Variants in PDIA3 observed in about 807,000 individuals in gnomAD.
PDIA3 encodes protein disulfide isomerase family A member 3.
Under a neutral mutation model 56.9 loss-of-function variants are expected in PDIA3, and 16 were observed. The observed-to-expected ratio is 0.28, with a 90% CI of 0.19 to 0.43. The LOEUF (loss-of-function observed/expected upper bound fraction) is 0.43, where lower values mean the gene tolerates loss of function less well. Among genes scored for constraint, PDIA3 ranks in the 20% least tolerant of loss-of-function variants. The pLI is 1.00. For synonymous variants in PDIA3, 192 were observed against 216.5 expected, an observed-to-expected ratio of 0.89 and a Z score of 0.99; for missense variants, 485 against 621.3, an observed-to-expected ratio of 0.78 and a Z score of 2.33.
At chr15:43,750,171 A>ATT (rs781370240) in intron 1 of PDIA3, among the ~76,000 whole-genome samples, 52 of 117,378 alleles carry the variant, frequency 4.4e-4, no homozygotes, top group East Asian at 1.4e-3. Context: ...TGTCTGGCTA[A>ATT]TTTTTTTTTT....
intron 2 of PDIA3, 80 bp from the exon 3 acceptor site, chr15:43,756,569 A>T: frequency 1.2e-6 from 1 of 831,704 alleles, no homozygotes; most frequent in Non-Finnish European, 2.1e-6. Context: ...GATTTGACCA[A>T]TCCTAGTATT....
intron 1 of PDIA3, among the ~76,000 whole-genome samples, chr15:43,749,657 G>C (rs931716265): frequency 7.9e-5 from 12 of 152,090 alleles, no homozygotes; most frequent in Admixed American, 7.9e-4. Context: ...GCTGGACGTG[G>C]TGGCGCACAT....
intron 9 of PDIA3, among the ~76,000 whole-genome samples, chr15:43,768,899 C>T (rs1237850993): frequency 6.6e-6 from 1 of 152,100 alleles, no homozygotes; most frequent in African/African-American, 2.4e-5. Context: ...TGGCGGGCGC[C>T]TGTAAGCCCA....
At chr15:43,748,401 C>G (rs2086721089) in intron 1 of PDIA3, among the ~76,000 whole-genome samples, 1 of 152,068 alleles carries the variant, frequency 6.6e-6, no homozygotes, top group Non-Finnish European at 1.5e-5. Context: ...TAGCTTGAAC[C>G]CAGGAAGCAG....
chr15:43,754,211 C>T (rs1003922433), intron 2 of PDIA3, among the ~76,000 whole-genome samples: 4 of 151,896 alleles, frequency 2.6e-5, no homozygotes, highest in Admixed American at 6.6e-5. Flanking sequence ...CTAGCCAACA[C>T]GGTGAAACCC....
Position 43,763,138 on chromosome 15 carries a change from G to C in PDIA3, c.534G>C (p.Leu178Phe), listed in dbSNP as rs368603838. 3 of 1,614,056 alleles carry C rather than the reference G, an allele frequency of 1.9e-6. No individual in the cohort carries two copies. The highest frequency in any genetic ancestry group is 2.5e-6 in the Non-Finnish European group (3 of 1,180,002). Residue 178 changes from leucine to phenylalanine, a missense_variant, in exon 5 of 13, where the codon TTG becomes TTC. Coordinates refer to ENST00000300289, the MANE Select transcript of PDIA3 (RefSeq NM_005313.5). The part of the protein sequence containing the change: ...HSEFLKAASN[L>F]RDNYRFAHTN... The stretch of plus-strand genomic sequence containing the variant: ...AGTTCCTAAAAGCAGCCAGCAACTT[G>C]AGGGATAACTACCGATTTGCACATA...
At chr15:43,755,513 C>T (rs937521661) in intron 2 of PDIA3, among the ~76,000 whole-genome samples, 1 of 151,994 alleles carries the variant, frequency 6.6e-6, no homozygotes, top group Non-Finnish European at 1.5e-5. Flanking sequence ...TGTAGTAAAC[C>T]CATAGTTGTT....
chr15:43,749,006 G>A (rs1396916529), intron 1 of PDIA3, among the ~76,000 whole-genome samples: 1 of 152,100 alleles, frequency 6.6e-6, no homozygotes, highest in African/African-American at 2.4e-5. Flanking sequence ...CCTGACTTCA[G>A]GTGATCTGCC....
chr15:43,761,034 C>G (rs949736169), intron 3 of PDIA3, among the ~76,000 whole-genome samples: 10 of 150,592 alleles, frequency 6.6e-5, no homozygotes, highest in Admixed American at 2.0e-4. Context: ...GTCAGGAGAT[C>G]GAGACCATCC....
intron 9 of PDIA3, among the ~76,000 whole-genome samples, chr15:43,768,924 T>C (rs767129419): frequency 1.8e-4 from 27 of 151,822 alleles, no homozygotes; most frequent in Admixed American, 9.2e-4. Flanking sequence ...CTCGGGAGGC[T>C]GAGGCAGGAG....
rs781546294 is a variant in PDIA3, at chr15:43,773,214, A to G, written c.*1996A>G. ...TCACAGCGACGCTTTTCTTCTCTGTAACTTGGGTACTGCTGCAGAGAAAAA... is the reference window on the plus strand; with the variant it reads ...TCACAGCGACGCTTTTCTTCTCTGTGACTTGGGTACTGCTGCAGAGAAAAA... On this transcript the variant is annotated 3_prime_UTR_variant, in exon 13 of 13. Transcript: ENST00000300289. 6.2e-7 allele frequency: 1 copy of G among 1,613,864 alleles called. No individual in the cohort carries two copies. The highest frequency in any genetic ancestry group is 2.2e-5 in the East Asian group (1 of 44,878).
chr15:43,748,296 G>T (rs1170980053), intron 1 of PDIA3, among the ~76,000 whole-genome samples: 1 of 49,862 alleles, frequency 2.0e-5, no homozygotes, highest in East Asian at 0.056. Context: ...TGACCATCAT[G>T]GAGAAACCCC....
chr15:43,751,308 C>G (rs1377142975), intron 1 of PDIA3, among the ~76,000 whole-genome samples: 2 of 151,882 alleles, frequency 1.3e-5, no homozygotes, highest in Non-Finnish European at 1.5e-5. Context: ...CCCTGCCAGA[C>G]TGGTGTTCCT....
chr15:43,767,995 C>G (rs1016607837), intron 8 of PDIA3, among the ~76,000 whole-genome samples: 1 of 152,082 alleles, frequency 6.6e-6, no homozygotes, highest in South Asian at 2.1e-4. Context: ...CTCCTTGATA[C>G]TGACGTAATT....
chr15:43,761,505 T>G lies in PDIA3; in HGVS notation c.446T>G (p.Ile149Ser), dbSNP rs759045484. The change falls in exon 4 of 13, where the codon ATT becomes AGT. Residue 149 changes from isoleucine to serine, a missense_variant. Physicochemically the swap from Ile to Ser is moderately radical, Grantham distance 142. Transcript: ENST00000300289. ...ACTGAGGAAGAATTTAAGAAATTCATTAGTGATAAAGATGCCTCTATAGTA... is the reference window on the plus strand; with the variant it reads ...ACTGAGGAAGAATTTAAGAAATTCAGTAGTGATAAAGATGCCTCTATAGTA... ...LRTEEEFKKF[I>S]SDKDASIVGF... 3 of 1,579,448 alleles carry G rather than the reference T, an allele frequency of 1.9e-6. No individual in the cohort carries two copies. The highest frequency in any genetic ancestry group is 2.6e-6 in the Non-Finnish European group (3 of 1,150,992).
chr15:43,765,990 G>A lies in PDIA3; in HGVS notation c.823G>A (p.Gly275Ser). ...YDVDYEKNAK[G>S]SNYWRNRVMM... is the part of the protein sequence containing the mutation. ...TGTGGACTATGAAAAGAACGCTAAA[G>A]GTTCCAACTACTGGAGAAACAGGTA... Residue 275 changes from glycine to serine, a missense_variant, in exon 7 of 13, where the codon GGT becomes AGT. Transcript: ENST00000300289. 4 of 1,613,472 alleles carry A rather than the reference G, an allele frequency of 2.5e-6. No individual in the cohort carries two copies. The highest frequency in any genetic ancestry group is 3.4e-6 in the Non-Finnish European group (4 of 1,179,716).
At chr15:43,764,122 T>C (rs1420398463) in intron 5 of PDIA3, among the ~76,000 whole-genome samples, 2 of 152,358 alleles carry the variant, frequency 1.3e-5, no homozygotes, top group East Asian at 3.9e-4. Flanking sequence ...ATTACTGGAA[T>C]ACTAAGCTTG....
At position 43,772,955 on chromosome 15, in the gene PDIA3, A is replaced by T. The variant is rs1204902053; in HGVS notation, c.*1737A>T. On this transcript the variant is annotated 3_prime_UTR_variant, in exon 13 of 13. Coordinates refer to ENST00000300289, the MANE Select transcript of PDIA3 (RefSeq NM_005313.5). Reference sequence around the variant, plus strand: ...AGTGCCCATACCCTAAAAATTAATAATGAAAACCAAACCTCAAGAACCTAG... The same window carrying T: ...AGTGCCCATACCCTAAAAATTAATATTGAAAACCAAACCTCAAGAACCTAG... The T allele has an allele frequency of 1.5e-6, 1 of 650,212 alleles. No homozygotes were observed. Among genetic ancestry groups the T allele is most frequent in the East Asian group, 2.8e-5 (1 of 35,802 alleles). 40.3% of individuals were successfully genotyped at this position (650,212 alleles called of 1,614,324 possible).
intron 1 of PDIA3, chr15:43,746,995 C>T (rs971621637): frequency 1.9e-6 from 1 of 514,218 alleles, no homozygotes; most frequent in East Asian, 3.5e-5. Flanking sequence ...ACCCCTTCCC[C>T]CAGTCCAATA....
Sources: allele counts gnomAD v4.1 joint callset (sites outside exome capture counted in the v4.1 genomes callset), GRCh38; gene constraint gnomAD v4.1.1; transcripts MANE v1.5; gene names NCBI Gene and HGNC (gene_info 2026-07-23, HGNC 2026-07-21).